EARS2: variants seen among roughly 807,000 people sequenced by gnomAD.
EARS2 encodes the protein nondiscriminating glutamyl-tRNA synthetase EARS2, mitochondrial.
EARS2 carries 50 observed loss-of-function variants against 54.1 expected under a neutral mutation model. The observed-to-expected ratio is 0.92, with a 90% CI of 0.74 to 1.17. EARS2 has a LOEUF of 1.17. Ranked by LOEUF, EARS2 falls within the 50% of genes most tolerant of loss-of-function variation. The probability of loss-of-function intolerance (pLI) is 0.00; values close to 1 mark genes in which losing one functional copy is unlikely to be tolerated. For synonymous variants in EARS2, 298 were observed against 281.0 expected (o/e 1.06, Z -0.61); for missense variants, 673 against 675.0 (o/e 1.00, Z 0.03).
intron 2 of EARS2, among the ~76,000 whole-genome samples, chr16:23,548,656 GAGAC>G (rs1965645245): frequency 2.6e-5 from 4 of 152,112 alleles, no homozygotes; most frequent in Admixed American, 6.5e-5. Context: ...TGACTGACAG[GAGAC>G]AGACAAATTC....
intron 1 of EARS2, among the ~76,000 whole-genome samples, chr16:23,554,437 G>C (rs1484510764): frequency 2.0e-5 from 3 of 152,116 alleles, no homozygotes; most frequent in Non-Finnish European, 4.4e-5. Context: ...ATTCCTGTCT[G>C]AAAACTGAAA....
At chr16:23,545,756 C>T (rs577157492) in intron 2 of EARS2, among the ~76,000 whole-genome samples, 55 of 152,252 alleles carry the variant, frequency 3.6e-4, no homozygotes, top group African/African-American at 1.2e-3. Flanking sequence ...CTCGAACTTC[C>T]GGGCTCAAGC....
At position 23,557,253 on chromosome 16, in the gene EARS2, T is replaced by C. The variant is rs1965813420; in HGVS notation, c.91A>G (p.Thr31Ala). The C allele has an allele frequency of 3.9e-6, 6 of 1,522,758 alleles. No individual in the cohort carries two copies. Among genetic ancestry groups the C allele is most frequent in the Non-Finnish European group, 5.2e-6 (6 of 1,144,964 alleles). The allele number at this position is 1,522,758 out of a possible 1,614,324, so 94.3% of individuals were successfully genotyped here. ...ACTCGCACCGCAACCCCGGCATCAG[T>C]GCCCAGGTTGGCCTCGCGCCGTCCT... ...PVGRREANLG[T>A]DAGVAVRVRF... is the part of the protein sequence containing the mutation. The change falls in exon 1 of 9, where the codon ACT becomes GCT. Residue 31 changes from threonine (T) to alanine (A), a missense_variant. By Grantham distance (58) the Thr-to-Ala change is moderately conservative. Around this residue, in one of 3 missense-constraint regions of EARS2, gnomAD observed 316 missense variants for 275.2 expected, o/e 1.15. Coordinates refer to ENST00000449606, the MANE Select transcript of EARS2 (RefSeq NM_001083614.2).
At chr16:23,528,882 T>C (rs1567378783) in intron 7 of EARS2, among the ~76,000 whole-genome samples, 1 of 152,368 alleles carries the variant, frequency 6.6e-6, no homozygotes, top group Admixed American at 6.5e-5. Context: ...GGACATGCGC[T>C]GTCATTTCTT....
chr16:23,539,460 T>C (rs979865730), intron 3 of EARS2, among the ~76,000 whole-genome samples: 4 of 152,302 alleles, frequency 2.6e-5, no homozygotes, highest in Admixed American at 2.6e-4. Flanking sequence ...GTATGAAAAC[T>C]GAGCAAGTGT....
intron 2 of EARS2, among the ~76,000 whole-genome samples, chr16:23,547,331 C>T (rs1432309597): frequency 1.3e-5 from 2 of 152,088 alleles, no homozygotes; most frequent in East Asian, 3.9e-4. Flanking sequence ...TCAGTAGTTG[C>T]CAGGTGGTAG....
At chr16:23,524,754 C>G (rs1183221718) in intron 8 of EARS2, among the ~76,000 whole-genome samples, 1 of 150,868 alleles carries the variant, frequency 6.6e-6, no homozygotes, top group Non-Finnish European at 1.5e-5. Flanking sequence ...TCAGGCAATT[C>G]TCGTGCCTCA....
intron 7 of EARS2, among the ~76,000 whole-genome samples, chr16:23,526,043 T>C (rs891699345): frequency 1.3e-5 from 2 of 150,448 alleles, no homozygotes; most frequent in African/African-American, 4.9e-5. Flanking sequence ...CACAAGGCTA[T>C]CGTAGAGAGT....
intron 3 of EARS2, chr16:23,537,114 A>G: frequency 3.9e-6 from 1 of 254,792 alleles, no homozygotes; most frequent in South Asian, 4.3e-5. Context: ...GAATTCTGAC[A>G]GTGAGTTTGA....
intron 3 of EARS2, among the ~76,000 whole-genome samples, chr16:23,539,165 T>C (rs909029629): frequency 6.6e-6 from 1 of 151,990 alleles, no homozygotes. Context: ...TTAATATAGA[T>C]AGGGTTTCAC....
chr16:23,544,834 T>C (rs1354571973), intron 2 of EARS2, 131 bp from the exon 3 acceptor site: 1 of 843,666 alleles, frequency 1.2e-6, no homozygotes, highest in East Asian at 2.8e-5. Flanking sequence ...TAGTACAATG[T>C]CCTCCCCGCC....
At chr16:23,549,355 G>A (rs1286191960) in intron 2 of EARS2, among the ~76,000 whole-genome samples, 3 of 152,190 alleles carry the variant, frequency 2.0e-5, no homozygotes, top group East Asian at 1.9e-4. Context: ...CCAGCCATGG[G>A]CTGAGTGTGG....
intron 2 of EARS2, among the ~76,000 whole-genome samples, chr16:23,547,372 A>G (rs1292225223): frequency 1.3e-5 from 2 of 152,176 alleles, no homozygotes; most frequent in Admixed American, 1.3e-4. Flanking sequence ...AACTGCTAAT[A>G]AGGAAGAGTT....
Position 23,535,391 on chromosome 16 carries a change from T to C in EARS2, c.486-31A>G, listed in dbSNP as rs745521128. 5 of 1,577,584 alleles carry C rather than the reference T, an allele frequency of 3.2e-6. No homozygotes were observed. In the African/African-American group the frequency reaches 4.0e-5, roughly 13 times the overall value. The stretch of plus-strand genomic sequence containing the variant: ...GGGGAGCAGAGCAGCATGAGTACTG[T>C]TGATGGAAAGGTTGATGGACAGGAG... On this transcript the variant is annotated intron_variant, in intron 3 of 8. Transcript: ENST00000449606.
At chr16:23,557,078 C>A in intron 1 of EARS2, 127 bp downstream of exon 1, 1 of 1,379,734 alleles carries the variant, frequency 7.2e-7, no homozygotes, top group Non-Finnish European at 9.7e-7. Flanking sequence ...AAAATGGGCT[C>A]GCGCTGCCTT....
chr16:23,533,999 T>C (rs909854729), intron 4 of EARS2, among the ~76,000 whole-genome samples: 3 of 150,032 alleles, frequency 2.0e-5, no homozygotes, highest in African/African-American at 7.4e-5. Context: ...GAGGTTGCGG[T>C]GAGCCGAGAT....
At chr16:23,533,059 G>A (rs1286182568) in intron 4 of EARS2, among the ~76,000 whole-genome samples, 3 of 152,240 alleles carry the variant, frequency 2.0e-5, no homozygotes, top group East Asian at 3.9e-4. Flanking sequence ...GGCAGAGGTC[G>A]GCAGATCATG....
At chr16:23,532,537 G>A in intron 5 of EARS2, 120 bp downstream of exon 5, 1 of 624,478 alleles carries the variant, frequency 1.6e-6, no homozygotes, top group East Asian at 2.8e-5. Context: ...AAAGAGGCTA[G>A]GTGATTTAGC....
At chr16:23,545,741 G>A (rs1208954567) in intron 2 of EARS2, among the ~76,000 whole-genome samples, 1 of 152,158 alleles carries the variant, frequency 6.6e-6, no homozygotes, top group Non-Finnish European at 1.5e-5. Context: ...ATAGCACACT[G>A]CAGCCTCGAA....
Sources: gnomAD v4.1 joint callset for allele counts (sites outside exome capture counted in the v4.1 genomes callset) on GRCh38, gnomAD v4.1.1 for gene constraint, gnomAD v4.1.1 regional missense constraint, MANE v1.5 for transcripts, NCBI Gene and HGNC (gene_info 2026-07-23, HGNC 2026-07-21) for gene names.